PLD1: variants seen among roughly 807,000 people sequenced by gnomAD.
PLD1 encodes the protein choline phosphatase 1.
PLD1 carries 112 observed loss-of-function variants against 137.1 expected under a neutral mutation model. The observed-to-expected ratio is 0.82, with a 90% CI of 0.70 to 0.96. The LOEUF is 0.96. Among genes scored for constraint, PLD1 ranks in the 40% least tolerant of loss-of-function variants. The pLI, the probability that PLD1 is intolerant of heterozygous loss-of-function variation, is 0.00. For synonymous variants in PLD1, 431 were observed against 454.7 expected, an observed-to-expected ratio of 0.95 and a Z score of 0.66; for missense variants, 1,321 against 1,342.0, an observed-to-expected ratio of 0.98 and a Z score of 0.24.
At chr3:171,736,639 A>G (rs548888135) in intron 3 of PLD1, among the ~76,000 whole-genome samples, 212 of 152,322 alleles carry the variant, frequency 1.4e-3, no homozygotes, top group African/African-American at 4.9e-3. Flanking sequence ...AAAACCACCC[A>G]GAAAGCAATG....
intron 1 of PLD1, among the ~76,000 whole-genome samples, chr3:171,804,814 T>C (rs78414751): frequency 0.021 from 3,250 of 152,362 alleles, 112 homozygotes; most frequent in African/African-American, 0.074. Flanking sequence ...TTATGAGATT[T>C]TGAAGGCATC....
intron 9 of PLD1, among the ~76,000 whole-genome samples, chr3:171,711,357 G>A (rs1035296004): frequency 4.0e-5 from 6 of 151,210 alleles, no homozygotes; most frequent in Non-Finnish European, 5.9e-5. Context: ...TTTTAGTAGC[G>A]ACAGGGTTTC....
intron 23 of PLD1, among the ~76,000 whole-genome samples, chr3:171,633,844 CA>C (rs1234676607): frequency 2.6e-5 from 4 of 152,020 alleles, no homozygotes; most frequent in African/African-American, 9.7e-5. Flanking sequence ...ATAAAAACAA[CA>C]AAGAAATGCT....
intron 19 of PLD1, among the ~76,000 whole-genome samples, chr3:171,664,067 G>A (rs546170723): frequency 8.6e-5 from 13 of 151,778 alleles, no homozygotes; most frequent in East Asian, 7.7e-4. Flanking sequence ...ACAAAATATC[G>A]CCAATCAAAG....
intron 24 of PLD1, among the ~76,000 whole-genome samples, chr3:171,614,172 C>T (rs1732902526): frequency 6.6e-6 from 1 of 152,042 alleles, no homozygotes; most frequent in Admixed American, 6.6e-5. Context: ...CCATGGTGGC[C>T]CTGGGTAACA....
intron 6 of PLD1, among the ~76,000 whole-genome samples, chr3:171,730,180 T>A (rs79074103): frequency 0.017 from 2,629 of 152,334 alleles, 86 homozygotes; most frequent in African/African-American, 0.061. Flanking sequence ...CAGCCAGCAC[T>A]AATACAATTT....
chr3:171,746,065 C>T (rs1029359402), intron 1 of PLD1, among the ~76,000 whole-genome samples: 24 of 152,204 alleles, frequency 1.6e-4, no homozygotes, highest in Admixed American at 1.4e-3. Context: ...TCCCCCAGCA[C>T]TGCCGGCCCG....
intron 16 of PLD1, among the ~76,000 whole-genome samples, chr3:171,681,066 A>G (rs371677819): frequency 3.3e-5 from 5 of 152,328 alleles, no homozygotes; most frequent in South Asian, 4.1e-4. Flanking sequence ...CACCAGCTCA[A>G]TCTGCACAAA....
chr3:171,665,452 C>A (rs1712016514), intron 19 of PLD1, among the ~76,000 whole-genome samples: 1 of 152,186 alleles, frequency 6.6e-6, no homozygotes, highest in Non-Finnish European at 1.5e-5. Flanking sequence ...GTAATCCCAG[C>A]ACTTTCGGAG....
At chr3:171,622,983 G>A (rs956751470) in intron 23 of PLD1, among the ~76,000 whole-genome samples, 2 of 151,886 alleles carry the variant, frequency 1.3e-5, no homozygotes, top group Non-Finnish European at 2.9e-5. Context: ...AATGGTTCAC[G>A]TGCAAAACTT....
intron 12 of PLD1, among the ~76,000 whole-genome samples, chr3:171,694,778 A>G (rs1444423077): frequency 6.6e-6 from 1 of 152,152 alleles, no homozygotes; most frequent in Non-Finnish European, 1.5e-5. Context: ...ACTCACCTGC[A>G]TAACTAATGG....
chr3:171,738,455 T>C (rs1719545616), intron 1 of PLD1, among the ~76,000 whole-genome samples: 1 of 152,218 alleles, frequency 6.6e-6, no homozygotes, highest in African/African-American at 2.4e-5. Context: ...TAAATACAGC[T>C]GAAGAAAGAA....
chr3:171,649,958 A>G (rs912686651), intron 21 of PLD1, among the ~76,000 whole-genome samples: 7 of 152,220 alleles, frequency 4.6e-5, no homozygotes, highest in African/African-American at 1.7e-4. Flanking sequence ...AATGGCCCCA[A>G]TGCAATGTTA....
chr3:171,662,196 C>A (rs377668785), intron 19 of PLD1, 26 bp from the exon 20 acceptor site: 7 of 1,283,898 alleles, frequency 5.5e-6, no homozygotes, highest in Non-Finnish European at 7.9e-6. Flanking sequence ...CAGAAATGAA[C>A]AAGTATTAGC....
At chr3:171,720,699 T>C (rs1718069176) in intron 8 of PLD1, among the ~76,000 whole-genome samples, 1 of 152,228 alleles carries the variant, frequency 6.6e-6, no homozygotes, top group Non-Finnish European at 1.5e-5. Context: ...TTTATTAATA[T>C]GGAACCAGGG....
intron 2 of PLD1, 71 bp downstream of exon 2, chr3:171,737,821 C>T: frequency 6.6e-7 from 1 of 1,513,046 alleles, no homozygotes. Flanking sequence ...TTGCTGGTTA[C>T]TTCAAATTTG....
At chr3:171,755,852 G>A (rs1720987431) in intron 1 of PLD1, among the ~76,000 whole-genome samples, 1 of 152,090 alleles carries the variant, frequency 6.6e-6, no homozygotes, top group Admixed American at 6.5e-5. Context: ...CTTCCCCACT[G>A]GGTGATCCCA....
chr3:171,762,924 G>T (rs764811310), intron 1 of PLD1, among the ~76,000 whole-genome samples: 1 of 152,170 alleles, frequency 6.6e-6, no homozygotes, highest in African/African-American at 2.4e-5. Context: ...AAGAAAACTA[G>T]TTGCCTTAAG....
chr3:171,701,710 C>G (rs747589426), intron 11 of PLD1, among the ~76,000 whole-genome samples: 1 of 152,170 alleles, frequency 6.6e-6, no homozygotes, highest in Admixed American at 6.5e-5. Flanking sequence ...AAGAAAGCAG[C>G]TATAACTTAC....
Sources: gnomAD v4.1 joint callset for allele counts (sites outside exome capture counted in the v4.1 genomes callset) on GRCh38, gnomAD v4.1.1 for gene constraint, MANE v1.5 for transcripts, NCBI Gene and HGNC (gene_info 2026-07-23, HGNC 2026-07-21) for gene names.